The following WDR93 variants were observed in gnomAD, a reference collection of about 807,000 sequenced individuals.
The protein encoded by WDR93 is WD repeat domain 93.
A neutral mutation model predicts 82.9 loss-of-function variants in WDR93; 73 were observed. The ratio of observed to expected loss-of-function variants is 0.88; its 90% CI spans 0.73 to 1.07. The LOEUF (loss-of-function observed/expected upper bound fraction) is 1.07. Ranked by LOEUF, WDR93 falls within the 50% of genes least tolerant of loss-of-function variation. The pLI is 0.00. For missense variants in WDR93, 738 were observed against 826.0 expected (o/e 0.89, Z 1.31); for synonymous variants, 283 against 300.1 (o/e 0.94, Z 0.59).
intron 12 of WDR93, among the ~76,000 whole-genome samples, chr15:89,732,545 G>T (rs532256564): frequency 6.6e-6 from 1 of 152,142 alleles, no homozygotes; most frequent in African/African-American, 2.4e-5. Flanking sequence ...GAATGATGAT[G>T]ATTTCATAAG....
intron 3 of WDR93, chr15:89,705,231 C>A: frequency 3.3e-6 from 1 of 302,392 alleles, no homozygotes; most frequent in South Asian, 4.2e-5. Context: ...TGGTGTGAAG[C>A]AGTAAGGGAT....
At chr15:89,740,089 A>T (rs1967534897) in intron 16 of WDR93, among the ~76,000 whole-genome samples, 1 of 151,954 alleles carries the variant, frequency 6.6e-6, no homozygotes, top group Non-Finnish European at 1.5e-5. Context: ...ATGATGCCTG[A>T]TTTTTTTTGG....
At chr15:89,723,847 G>C (rs2141667868) in intron 8 of WDR93, among the ~76,000 whole-genome samples, 1 of 152,292 alleles carries the variant, frequency 6.6e-6, no homozygotes, top group South Asian at 2.1e-4. Context: ...CTAAATTCCA[G>C]ATGAACTGTA....
At chr15:89,712,219 G>T in intron 5 of WDR93, 115 bp downstream of exon 5, 2 of 831,658 alleles carry the variant, frequency 2.4e-6, no homozygotes, top group East Asian at 2.9e-5. Context: ...ATTCAAAGAA[G>T]AGTTGCAAAG....
intron 7 of WDR93, 96 bp downstream of exon 7, chr15:89,717,045 C>CTTTTTTTTTTTTTTTTTTTTTTT (rs11457156): frequency 4.1e-5 from 7 of 172,142 alleles, no homozygotes; most frequent in Admixed American, 1.4e-4. Context: ...CTTTTTCTTT[C>CTTTTTTTTTTTTTTTTTTTTTTT]TTTTTTTTTT....
chr15:89,721,959 C>T, intron 7 of WDR93, 96 bp from the exon 8 acceptor site: 3 of 796,472 alleles, frequency 3.8e-6, no homozygotes, highest in South Asian at 1.8e-5. Flanking sequence ...TTTTCTTTTT[C>T]CCCTTCTTTT....
rs2141716988 is a variant in WDR93, at chr15:89,737,598, C to G, written c.1634C>G (p.Ser545Cys). ...GMVLIFSKNG[S>C]VCLMDVAKRE... Reference sequence around the variant, plus strand: ...GTGCTCATCTTTTCCAAGAATGGCTCTGTGTGCCTTATGGATGTGGCCAAG... The same window carrying G: ...GTGCTCATCTTTTCCAAGAATGGCTGTGTGTGCCTTATGGATGTGGCCAAG... The change falls in exon 15 of 17, where the codon TCT becomes TGT. Residue 545 changes from serine (S) to cysteine (C), a missense_variant. By Grantham distance (112) the Ser-to-Cys change is moderately radical. Coordinates refer to ENST00000268130, the MANE Select transcript of WDR93 (RefSeq NM_020212.2). 1 of 1,614,220 alleles carries G rather than the reference C, an allele frequency of 6.2e-7. No individual in the cohort carries two copies. Among genetic ancestry groups the G allele is most frequent in the East Asian group, 2.2e-5 (1 of 44,884 alleles).
intron 10 of WDR93, 107 bp downstream of exon 10, chr15:89,729,200 G>T: frequency 9.1e-7 from 1 of 1,093,522 alleles, no homozygotes; most frequent in Non-Finnish European, 1.4e-6. Flanking sequence ...CATGGTAGGA[G>T]GGAATGAAGA....
At chr15:89,740,382 G>C (rs1596134393) in intron 16 of WDR93, among the ~76,000 whole-genome samples, 1 of 152,302 alleles carries the variant, frequency 6.6e-6, no homozygotes, top group East Asian at 1.9e-4. Context: ...AGACGAATAT[G>C]GTCTCATGAG....
rs767021140 is a variant in WDR93, at chr15:89,731,520, G to A, written c.1288G>A (p.Ala430Thr). 1.2e-6 allele frequency: 2 copies of A among 1,614,150 alleles called. No homozygotes were observed. The highest frequency in any genetic ancestry group is 2.2e-5 in the South Asian group (2 of 91,086). ...CTGCTCCTCCTCCTACCTGGTGCTG[G>A]CCTGCGAGGATGGTGTGCTCACGCT... Reference protein sequence around the residue: ...LSCSSSYLVLACEDGVLTLWD... With the variant: ...LSCSSSYLVLTCEDGVLTLWD... The change falls in exon 12 of 17, where the codon GCC (alanine) becomes ACC (threonine). Residue 430 changes from alanine (A) to threonine (T), a missense_variant. Transcript: ENST00000268130.
chr15:89,720,731 A>T (rs895409470), intron 7 of WDR93, among the ~76,000 whole-genome samples: 7 of 152,076 alleles, frequency 4.6e-5, no homozygotes, highest in Non-Finnish European at 7.4e-5. Flanking sequence ...GTTTATTTAG[A>T]TTTGTTTTAT....
intron 16 of WDR93, among the ~76,000 whole-genome samples, chr15:89,742,243 A>C (rs1285537177): frequency 6.6e-6 from 1 of 152,032 alleles, no homozygotes; most frequent in African/African-American, 2.4e-5. Context: ...TATAAATAAA[A>C]AATTAATTAA....
At chr15:89,717,651 GTAACCA>G (rs1271848220) in intron 7 of WDR93, among the ~76,000 whole-genome samples, 1 of 152,172 alleles carries the variant, frequency 6.6e-6, no homozygotes, top group Non-Finnish European at 1.5e-5. Context: ...GTAACATATT[GTAACCA>G]TAATCACTTA....
At chr15:89,735,341 G>A (rs2141705940) in intron 13 of WDR93, 149 bp from the exon 14 acceptor site, 1 of 652,704 alleles carries the variant, frequency 1.5e-6, no homozygotes, top group Non-Finnish European at 2.7e-6. Context: ...TAGATATTTG[G>A]ATTGTTCTTA....
chr15:89,728,092 A>T (rs1966809162), intron 9 of WDR93, among the ~76,000 whole-genome samples: 1 of 151,246 alleles, frequency 6.6e-6, no homozygotes, highest in Non-Finnish European at 1.5e-5. Context: ...AATAATAATT[A>T]AAAAAAATAA....
intron 4 of WDR93, among the ~76,000 whole-genome samples, chr15:89,707,628 A>T (rs1265370929): frequency 1.3e-5 from 2 of 152,184 alleles, no homozygotes; most frequent in Admixed American, 6.5e-5. Context: ...GGAAAATAAA[A>T]AAATAAATAA....
In WDR93 at chr15:89,712,396, C is replaced by CTTTTTTTTTTTT. The variant is rs1170109589; in HGVS notation, c.640+304_640+315dup. 2.4e-4 allele frequency among the ~76,000 whole-genome samples: 19 copies of CTTTTTTTTTTTT among 80,508 alleles called. 2 individuals carry two copies. Among genetic ancestry groups the CTTTTTTTTTTTT allele is most frequent in the African/African-American group, 9.3e-4 (17 of 18,222 alleles). The allele number at this position is 80,508 out of a possible 152,430, so 52.8% of individuals were successfully genotyped here. On this transcript the variant is annotated intron_variant, in intron 5 of 16. Transcript: ENST00000268130. ...GGATTTCACTAGTTTTTCCACTAAT[C>CTTTTTTTTTTTT]TTTTTTTTTTTTTTTTTTTTTTTGC...
At chr15:89,695,365 G>A (rs140482467) in intron 1 of WDR93, among the ~76,000 whole-genome samples, 178 of 152,170 alleles carry the variant, frequency 1.2e-3, no homozygotes, top group Admixed American at 3.7e-3. Context: ...AGGGAGTTTC[G>A]CTGTATTGCC....
intron 1 of WDR93, among the ~76,000 whole-genome samples, chr15:89,698,127 G>A (rs543459976): frequency 5.9e-5 from 9 of 151,576 alleles, no homozygotes; most frequent in East Asian, 1.9e-4. Flanking sequence ...CTCGTGATCC[G>A]CCCGTCTCAG....
Sources: gnomAD v4.1 joint callset for allele counts (sites outside exome capture counted in the v4.1 genomes callset) on GRCh38, gnomAD v4.1.1 for gene constraint, MANE v1.5 for transcripts, NCBI Gene and HGNC (gene_info 2026-07-23, HGNC 2026-07-21) for gene names.